The following PREX2 variants were observed in gnomAD, a reference collection of about 807,000 sequenced individuals.
PREX2 encodes phosphatidylinositol 3,4,5-trisphosphate-dependent Rac exchanger 2 protein.
PREX2 carries 107 observed loss-of-function variants against 203.2 expected under a neutral mutation model. The ratio of observed to expected loss-of-function variants is 0.53; its 90% CI spans 0.45 to 0.62. The LOEUF is 0.62. Ranked by LOEUF, PREX2 falls within the 20% of genes least tolerant of loss-of-function variation. PREX2 has a pLI of 0.00. For synonymous variants in PREX2, 672 were observed against 663.6 expected, an observed-to-expected ratio of 1.01 and a Z score of -0.19; for missense variants, 1,777 against 1,955.9, an observed-to-expected ratio of 0.91 and a Z score of 1.72.
chr8:68,068,800 G>A (rs576531260), intron 11 of PREX2, among the ~76,000 whole-genome samples: 5 of 151,510 alleles, frequency 3.3e-5, no homozygotes, highest in South Asian at 2.1e-4. Flanking sequence ...TGTTGCAAAC[G>A]TCAGTTTATT....
chr8:68,055,198 A>G (rs561418519), intron 9 of PREX2, among the ~76,000 whole-genome samples: 7 of 152,292 alleles, frequency 4.6e-5, no homozygotes, highest in Non-Finnish European at 1.0e-4. Flanking sequence ...ACTTAGCTGC[A>G]TGCCCAATAC....
intron 35 of PREX2, among the ~76,000 whole-genome samples, chr8:68,175,234 A>G (rs1235696130): frequency 1.3e-5 from 2 of 152,028 alleles, no homozygotes; most frequent in Non-Finnish European, 2.9e-5. Flanking sequence ...AAACAATACA[A>G]TCCAAGGCAT....
At chr8:68,195,248 T>G (rs1421954770) in intron 37 of PREX2, among the ~76,000 whole-genome samples, 1 of 152,236 alleles carries the variant, frequency 6.6e-6, no homozygotes, top group East Asian at 1.9e-4. Flanking sequence ...ACTTACTATA[T>G]GCATTGATTA....
At chr8:68,151,209 G>C (rs778265094) in intron 34 of PREX2, among the ~76,000 whole-genome samples, 1 of 151,850 alleles carries the variant, frequency 6.6e-6, no homozygotes. Context: ...TCACTTGAGC[G>C]CAGGAACTTG....
At chr8:67,961,980 T>A (rs1027426887) in intron 1 of PREX2, among the ~76,000 whole-genome samples, 1 of 152,180 alleles carries the variant, frequency 6.6e-6, no homozygotes, top group Non-Finnish European at 1.5e-5. Flanking sequence ...CTGATTAAAT[T>A]TAGAATACTG....
At chr8:67,984,167 T>A (rs1806348179) in intron 1 of PREX2, among the ~76,000 whole-genome samples, 1 of 152,242 alleles carries the variant, frequency 6.6e-6, no homozygotes, top group Admixed American at 6.5e-5. Flanking sequence ...CAGAAAGAAC[T>A]GATCACTCCA....
intron 11 of PREX2, among the ~76,000 whole-genome samples, chr8:68,066,397 A>T (rs985627742): frequency 6.6e-6 from 1 of 152,036 alleles, no homozygotes; most frequent in African/African-American, 2.4e-5. Context: ...TGTCTTTTTG[A>T]TAATAGCCAT....
At position 68,022,070 on chromosome 8, in the gene PREX2, G is replaced by C; in HGVS notation, c.371G>C (p.Ser124Thr). ...TTTCGTATCTATGATGAATATTGTA[G>C]TAACCATGAGAAGGCACAAAAATTA... is the stretch of plus-strand genomic sequence containing the variant. ...DKFRIYDEYC[S>T]NHEKAQKLLL... Residue 124 changes from serine to threonine, a missense_variant, in exon 4 of 40, where the codon AGT becomes ACT. Physicochemically the swap from Ser to Thr is moderately conservative, Grantham distance 58. Coordinates refer to ENST00000288368, the MANE Select transcript of PREX2 (RefSeq NM_024870.4). 6.4e-7 allele frequency: 1 copy of C among 1,554,604 alleles called. No individual in the cohort carries two copies. The highest frequency in any genetic ancestry group is 8.9e-7 in the Non-Finnish European group (1 of 1,126,016).
intron 35 of PREX2, among the ~76,000 whole-genome samples, chr8:68,161,434 C>A (rs1409236697): frequency 6.6e-6 from 1 of 152,060 alleles, no homozygotes; most frequent in Non-Finnish European, 1.5e-5. Context: ...TCTAAGAAAA[C>A]CCTGTTATTC....
intron 8 of PREX2, among the ~76,000 whole-genome samples, chr8:68,051,377 T>G (rs975247370): frequency 6.6e-6 from 1 of 152,098 alleles, no homozygotes; most frequent in African/African-American, 2.4e-5. Flanking sequence ...TCTTTTAAGC[T>G]GCAGGTGCAA....
chr8:68,087,802 A>T lies in PREX2; in HGVS notation c.2106A>T (p.Val702=). 3 of 1,610,738 alleles carry T rather than the reference A, an allele frequency of 1.9e-6. No homozygotes were observed. The highest frequency in any genetic ancestry group is 2.5e-6 in the Non-Finnish European group (3 of 1,176,970). ...RGFGPSVVHA[V]GRGTVAAAAG... ...TTGGCCCTTCTGTTGTGCATGCTGT[A>T]GGAAGAGGTAGGAAATTCGTCTTGC... is the stretch of plus-strand genomic sequence containing the variant. The change falls in exon 19 of 40, where the codon GTA becomes GTT. Residue 702 remains valine (V), a synonymous_variant. Transcript: ENST00000288368.
At chr8:68,158,111 G>A (rs868110708) in intron 35 of PREX2, among the ~76,000 whole-genome samples, 1 of 26,908 alleles carries the variant, frequency 3.7e-5, no homozygotes, top group South Asian at 2.6e-3. Flanking sequence ...ATATATATGT[G>A]TGTATATATA....
chr8:68,137,637 A>AT (rs1811138841), intron 32 of PREX2, among the ~76,000 whole-genome samples: 1 of 152,170 alleles, frequency 6.6e-6, no homozygotes, highest in Admixed American at 6.5e-5. Flanking sequence ...AGTTAATTAT[A>AT]TTTTCATGAT....
chr8:68,020,217 A>G (rs138517371), intron 3 of PREX2, among the ~76,000 whole-genome samples: 22 of 151,874 alleles, frequency 1.4e-4, no homozygotes, highest in African/African-American at 5.3e-4. Flanking sequence ...CTGTGCCTGT[A>G]TGATCATTTT....
At chr8:68,118,669 G>T (rs1258998548) in intron 27 of PREX2, 25 bp downstream of exon 27, 6 of 1,523,460 alleles carry the variant, frequency 3.9e-6, no homozygotes, top group South Asian at 1.1e-5. Flanking sequence ...GAAGGCCTGT[G>T]GGCTTTTTGA....
chr8:68,126,735 A>G (rs1810897057), intron 30 of PREX2, among the ~76,000 whole-genome samples: 1 of 152,050 alleles, frequency 6.6e-6, no homozygotes, highest in African/African-American at 2.4e-5. Flanking sequence ...TTAGTTGGAA[A>G]CAAATGGACA....
intron 35 of PREX2, among the ~76,000 whole-genome samples, chr8:68,188,695 T>A (rs1343538045): frequency 6.6e-6 from 1 of 152,132 alleles, no homozygotes; most frequent in Non-Finnish European, 1.5e-5. Context: ...GGAACTCTCA[T>A]ATACAAAACC....
intron 1 of PREX2, among the ~76,000 whole-genome samples, chr8:67,999,231 A>G (rs745634555): frequency 6.6e-6 from 1 of 152,214 alleles, no homozygotes; most frequent in Non-Finnish European, 1.5e-5. Flanking sequence ...TGCTGGGTAC[A>G]CTAATAAAGA....
chr8:68,212,204 C>T (rs1812754248), intron 37 of PREX2, among the ~76,000 whole-genome samples: 1 of 152,170 alleles, frequency 6.6e-6, no homozygotes, highest in Non-Finnish European at 1.5e-5. Flanking sequence ...TTGCACTTAA[C>T]TCTCCTTGAA....
Sources: gnomAD v4.1 joint callset for allele counts (sites outside exome capture counted in the v4.1 genomes callset) on GRCh38, gnomAD v4.1.1 for gene constraint, MANE v1.5 for transcripts, NCBI Gene and HGNC (gene_info 2026-07-23, HGNC 2026-07-21) for gene names.